ARRB1: variants seen among roughly 807,000 people sequenced by gnomAD.
ARRB1 encodes the protein arrestin beta 1.
A neutral mutation model predicts 56.8 loss-of-function variants in ARRB1; 21 were observed. The observed-to-expected ratio is 0.37, with a 90% CI of 0.26 to 0.53. ARRB1 has a LOEUF of 0.53. Ranked by LOEUF, ARRB1 falls within the 20% of genes least tolerant of loss-of-function variation. The probability of loss-of-function intolerance (pLI) is 0.88; values close to 1 mark genes in which losing one functional copy is unlikely to be tolerated. For missense variants in ARRB1, 424 were observed against 553.7 expected (o/e 0.77, Z 2.35); for synonymous variants, 210 against 218.6 (o/e 0.96, Z 0.35).
intron 1 of ARRB1, among the ~76,000 whole-genome samples, chr11:75,297,418 T>G (rs547854712): frequency 6.6e-6 from 1 of 152,218 alleles, no homozygotes; most frequent in South Asian, 2.1e-4. Flanking sequence ...AGAAATGAAC[T>G]CATATATTTA....
At chr11:75,323,738 G>A (rs1947384224) in intron 1 of ARRB1, among the ~76,000 whole-genome samples, 1 of 152,186 alleles carries the variant, frequency 6.6e-6, no homozygotes, top group South Asian at 2.1e-4. Context: ...AAGATGGGAG[G>A]GGCTGAGAGC....
At chr11:75,276,676 C>G (rs1483190735) in intron 10 of ARRB1, among the ~76,000 whole-genome samples, 163 bp downstream of exon 10, 1 of 152,182 alleles carries the variant, frequency 6.6e-6, no homozygotes, top group Non-Finnish European at 1.5e-5. Context: ...TGGATGGTTT[C>G]TAAAAGGCTC....
chr11:75,343,247 G>A (rs1456885812), intron 1 of ARRB1, among the ~76,000 whole-genome samples: 2 of 152,188 alleles, frequency 1.3e-5, no homozygotes, highest in Admixed American at 6.5e-5. Context: ...GTCACAAAGC[G>A]CTGGGAATCC....
chr11:75,288,720 A>G (rs1426285371), intron 2 of ARRB1, among the ~76,000 whole-genome samples: 1 of 150,562 alleles, frequency 6.6e-6, no homozygotes, highest in Non-Finnish European at 1.5e-5. Context: ...GGTTAAAGTG[A>G]TCCTCACACC....
chr11:75,281,808 G>T, intron 6 of ARRB1, 154 bp downstream of exon 6: 2 of 715,992 alleles, frequency 2.8e-6, no homozygotes, highest in Non-Finnish European at 4.7e-6. Flanking sequence ...AAGAGAGACT[G>T]GTTGTCCAAG....
intron 1 of ARRB1, among the ~76,000 whole-genome samples, chr11:75,291,925 G>C (rs1325466762): frequency 6.6e-6 from 1 of 152,118 alleles, no homozygotes; most frequent in African/African-American, 2.4e-5. Context: ...CATGGCACAT[G>C]GACAGCCACT....
intron 4 of ARRB1, 49 bp from the exon 5 acceptor site, chr11:75,283,532 G>A (rs763275627): frequency 4.0e-6 from 6 of 1,515,682 alleles, no homozygotes; most frequent in East Asian, 2.4e-5. Context: ...AGCAGCAAGC[G>A]AGCCCCCCAG....
intron 1 of ARRB1, among the ~76,000 whole-genome samples, chr11:75,344,909 C>T (rs1225356836): frequency 6.6e-6 from 1 of 152,150 alleles, no homozygotes; most frequent in Non-Finnish European, 1.5e-5. Flanking sequence ...ATGAAAGGGA[C>T]CTCCTGCCTC....
chr11:75,278,626 C>A lies in ARRB1; in HGVS notation c.601G>T (p.Ala201Ser). Residue 201 changes from alanine to serine, a missense_variant, in exon 8 of 16, where the codon GCC becomes TCC. Around this residue, in one of 3 missense-constraint regions of ARRB1, gnomAD observed 301 missense variants for 387.9 expected, o/e 0.78. Coordinates refer to ENST00000420843, the MANE Select transcript of ARRB1 (RefSeq NM_004041.5). ...LMSDKPLHLE[A>S]SLDKEIYYHG... is the part of the protein sequence containing the mutation. The stretch of plus-strand genomic sequence containing the variant: ...CCTCCTACCTCCTTATCCAGAGAGG[C>A]TTCTAGGTGCAAGGGCTTGTCCGAC... The A allele has an allele frequency of 6.2e-7, 1 of 1,614,182 alleles. No homozygotes were observed. Among genetic ancestry groups the A allele is most frequent in the Non-Finnish European group, 8.5e-7 (1 of 1,180,024 alleles).
intron 1 of ARRB1, among the ~76,000 whole-genome samples, chr11:75,291,896 G>A (rs1180785702): frequency 6.6e-6 from 1 of 152,186 alleles, no homozygotes; most frequent in Non-Finnish European, 1.5e-5. Flanking sequence ...ACCAGGGTGG[G>A]CAGGACAGTG....
Position 75,266,045 on chromosome 11 carries a change from C to T in ARRB1, c.*118G>A, listed in dbSNP as rs1945899223. On this transcript the variant is annotated 3_prime_UTR_variant, in exon 16 of 16. Coordinates refer to ENST00000420843, the MANE Select transcript of ARRB1 (RefSeq NM_004041.5). ...CACCGTGATCTGGAAGCCCACGGGG[C>T]CCCCTGGTAGAAACTGGAAGAACAA... 2.3e-6 allele frequency: 2 copies of T among 880,548 alleles called. No homozygotes were observed. Among genetic ancestry groups the T allele is most frequent in the Non-Finnish European group, 1.8e-6 (1 of 557,546 alleles). 54.5% of individuals were successfully genotyped at this position (880,548 alleles called of 1,614,324 possible).
In ARRB1 at chr11:75,310,283, C is replaced by T. The variant is rs138680940; in HGVS notation, c.21-20244G>A. The stretch of plus-strand genomic sequence containing the variant: ...GGTGTTGAGGGGGATGAAAGGCCAA[C>T]GTCTGTATGCGCCTGGCATGTAACC... On this transcript the variant is annotated intron_variant, in intron 1 of 15. Transcript: ENST00000420843. Among the ~76,000 whole-genome samples the T allele has an allele frequency of 2.9e-3, 446 of 152,274 alleles. 2 individuals are homozygous for T. Among genetic ancestry groups the T allele is most frequent in the African/African-American group, 0.01 (427 of 41,554 alleles).
At chr11:75,287,272 C>T (rs1415453761) in intron 3 of ARRB1, 43 bp downstream of exon 3, 2 of 1,536,552 alleles carry the variant, frequency 1.3e-6, no homozygotes, top group Middle Eastern at 1.7e-4. Flanking sequence ...GCTTGGCCAG[C>T]CACATCTTCC....
chr11:75,325,852 T>C (rs187491258), intron 1 of ARRB1, among the ~76,000 whole-genome samples: 37 of 152,280 alleles, frequency 2.4e-4, no homozygotes, highest in African/African-American at 8.7e-4. Flanking sequence ...AGATCCCTTC[T>C]GGACCTCACG....
intron 10 of ARRB1, 62 bp downstream of exon 10, chr11:75,276,777 C>T: frequency 1.3e-6 from 2 of 1,567,634 alleles, no homozygotes; most frequent in South Asian, 1.1e-5. Flanking sequence ...AACAGGACAC[C>T]TAGAGCTTCT....
rs1284398467 is a variant in ARRB1 at position 75,283,365 on chromosome 11, C to T, written c.276G>A (p.Glu92=). The change falls in exon 5 of 16, where the codon GAG becomes GAA. Residue 92 remains glutamate, a synonymous_variant. Coordinates refer to ENST00000420843, the MANE Select transcript of ARRB1 (RefSeq NM_004041.5). ...GCAGCCGCGTCAGGGGCTTCTTGTC[C>T]TCGGGGGCCGGTGGGAACGACTGTA... ...ANVQSFPPAP[E]DKKPLTRLQE... 6.2e-7 allele frequency: 1 copy of T among 1,614,176 alleles called. No individual in the cohort carries two copies. The highest frequency in any genetic ancestry group is 1.7e-5 in the Admixed American group (1 of 60,018).
chr11:75,286,153 C>T (rs1179598112), intron 3 of ARRB1, among the ~76,000 whole-genome samples: 3 of 151,728 alleles, frequency 2.0e-5, no homozygotes, highest in African/African-American at 7.3e-5. Context: ...GGCTCGCTTC[C>T]TTGGCTCAGG....
chr11:75,266,583 G>T (rs557340056), intron 15 of ARRB1, among the ~76,000 whole-genome samples: 56 of 152,224 alleles, frequency 3.7e-4, no homozygotes, highest in Non-Finnish European at 6.5e-4. Context: ...TTTAGGAGGT[G>T]GGGGGAGCAG....
rs534168526 is a variant in ARRB1 at position 75,263,329 on chromosome 11, G to C, written c.*2834C>G. ...ACATGACCTGCGGCTTCCTCTCCAGGAAGAGGCTGAAGGAAACACTTTGGC... is the reference window on the plus strand; with the variant it reads ...ACATGACCTGCGGCTTCCTCTCCAGCAAGAGGCTGAAGGAAACACTTTGGC... On this transcript the variant is annotated 3_prime_UTR_variant, in exon 16 of 16. Transcript: ENST00000420843. Among the ~76,000 whole-genome samples, 164 of 152,364 alleles carry C rather than the reference G, an allele frequency of 1.1e-3. No individual in the cohort carries two copies. Among genetic ancestry groups the C allele is most frequent in the African/African-American group, 3.8e-3 (157 of 41,576 alleles).
Sources: allele counts gnomAD v4.1 joint callset (sites outside exome capture counted in the v4.1 genomes callset), GRCh38; gene constraint gnomAD v4.1.1; regional missense constraint gnomAD v4.1.1; transcripts MANE v1.5; gene names NCBI Gene and HGNC (gene_info 2026-07-23, HGNC 2026-07-21).